ATXN10: variants seen among roughly 807,000 people sequenced by gnomAD.
ATXN10 encodes the protein ataxin-10.
ATXN10 carries 28 observed loss-of-function variants against 52.9 expected under a neutral mutation model. That is an observed-to-expected ratio of 0.53 (90% CI 0.39 to 0.73). ATXN10 has a LOEUF of 0.73. ATXN10 is among the 30% of genes least tolerant of loss of function. The pLI is 0.00. For missense variants in ATXN10, 565 were observed against 577.0 expected (o/e 0.98, Z 0.21); for synonymous variants, 226 against 221.5 (o/e 1.02, Z -0.18).
chr22:45,804,470 A>C (rs1262872271), intron 9 of ATXN10, among the ~76,000 whole-genome samples: 2 of 152,182 alleles, frequency 1.3e-5, no homozygotes, highest in Non-Finnish European at 2.9e-5. Flanking sequence ...AAGGATCGTT[A>C]ATAGATTCCT....
At position 45,844,455 on chromosome 22, in the gene ATXN10, A is replaced by G. The variant is rs1022251802; in HGVS notation, c.*784A>G. ...TGCCGTAGATTAAAGGTACATTTCT[A>G]TCTTCTTTGATTTAAAAAGCACCAG... On this transcript the variant is annotated 3_prime_UTR_variant, in exon 12 of 12. Transcript: ENST00000252934. The G allele has an allele frequency of 2.0e-5, 3 of 152,142 alleles. No individual in the cohort carries two copies. Among genetic ancestry groups the G allele is most frequent in the Non-Finnish European group, 4.4e-5 (3 of 68,046 alleles). The allele number at this position is 152,142 out of a possible 1,614,324, so 9.4% of individuals were successfully genotyped here. A position where few individuals can be genotyped will look rare whatever the true frequency, so the allele number is the denominator to read the frequency against.
intron 10 of ATXN10, among the ~76,000 whole-genome samples, chr22:45,827,736 A>AGG (rs1173620760): frequency 6.6e-6 from 1 of 152,212 alleles, no homozygotes; most frequent in African/African-American, 2.4e-5. Flanking sequence ...ACCAGACAGA[A>AGG]GGTAAGTAAG....
intron 1 of ATXN10, among the ~76,000 whole-genome samples, chr22:45,686,662 C>CA (rs1043455994): frequency 5.3e-5 from 8 of 151,846 alleles, no homozygotes; most frequent in African/African-American, 1.7e-4. Context: ...TACTAAAATA[C>CA]AAAAAAATTA....
intron 9 of ATXN10, among the ~76,000 whole-genome samples, chr22:45,765,310 G>C (rs536312847): frequency 6.6e-6 from 1 of 152,154 alleles, no homozygotes; most frequent in Non-Finnish European, 1.5e-5. Context: ...AGACAAGTCT[G>C]AAAGCCACCA....
At position 45,701,205 on chromosome 22, in the gene ATXN10, A is replaced by G. The variant is rs1245338318; in HGVS notation, c.488+827A>G. 1.3e-5 allele frequency among the ~76,000 whole-genome samples: 2 copies of G among 152,154 alleles called. No homozygotes were observed. The highest frequency in any genetic ancestry group is 2.1e-4 in the South Asian group (1 of 4,832). ...ATACCCTGAACTGGGCATTATCCGT[A>G]TATTTTTTCTGTTCTCACAATAGCC... On this transcript the variant is annotated intron_variant, in intron 4 of 11. Transcript: ENST00000252934. The surrounding 1 kb of genome is among the most constrained non-coding windows in gnomAD (Gnocchi z 4.2).
chr22:45,709,504 T>C (rs1924164188), intron 5 of ATXN10, among the ~76,000 whole-genome samples: 1 of 152,192 alleles, frequency 6.6e-6, no homozygotes, highest in Non-Finnish European at 1.5e-5. Context: ...CTCATTTTTC[T>C]CCTGTGCTGG....
intron 6 of ATXN10, among the ~76,000 whole-genome samples, chr22:45,721,909 T>C (rs1407976050): frequency 1.3e-5 from 2 of 151,646 alleles, no homozygotes; most frequent in Non-Finnish European, 2.9e-5. Context: ...AGCGAGACTC[T>C]GTCACATGAA....
chr22:45,775,629 C>G lies in ATXN10; in HGVS notation c.1174-31330C>G, dbSNP rs1460590556. Among the ~76,000 whole-genome samples, 3 of 152,170 alleles carry G rather than the reference C, an allele frequency of 2.0e-5. No individual in the cohort carries two copies. The highest frequency in any genetic ancestry group is 4.8e-5 in the African/African-American group (2 of 41,428). On this transcript the variant is annotated intron_variant, in intron 9 of 11. Coordinates refer to ENST00000252934, the MANE Select transcript of ATXN10 (RefSeq NM_013236.4). The surrounding 1 kb of genome is among the most constrained non-coding windows in gnomAD (Gnocchi z 4.7). ...GTCAGTGTTAGCCTGTGTAATGACA[C>G]TGTTTTTCTCCTTCGTGTGACTATT... is the stretch of plus-strand genomic sequence containing the variant.
In ATXN10 at chr22:45,826,819, A is replaced by G. The variant is rs1928830177; in HGVS notation, c.1238-16172A>G. On this transcript the variant is annotated intron_variant, in intron 10 of 11. Transcript: ENST00000252934. This position sits in a 1 kb window ranked among gnomAD's most constrained non-coding sequence, Gnocchi z 5.0. The stretch of plus-strand genomic sequence containing the variant: ...CTGCAGGATGAAATGAGAAGACAAC[A>G]GACAGTAACTTGATGCTATATGAAG... Among the ~76,000 whole-genome samples the G allele has an allele frequency of 6.6e-6, 1 of 152,206 alleles. No homozygotes were observed. Among genetic ancestry groups the G allele is most frequent in the Non-Finnish European group, 1.5e-5 (1 of 68,030 alleles).
intron 9 of ATXN10, among the ~76,000 whole-genome samples, chr22:45,756,147 C>CT (rs145197366): frequency 0.092 from 13,885 of 150,624 alleles, 782 homozygotes; most frequent in Middle Eastern, 0.16. Context: ...TTTACCTAGA[C>CT]TTTTTTTTTT....
At chr22:45,791,059 A>G (rs776865216) in intron 9 of ATXN10, among the ~76,000 whole-genome samples, 3 of 152,026 alleles carry the variant, frequency 2.0e-5, no homozygotes, top group Non-Finnish European at 2.9e-5. Context: ...GGGTCTCTCT[A>G]TGTTGCCCAG....
chr22:45,712,191 C>G lies in ATXN10; in HGVS notation c.648-6222C>G, dbSNP rs781217873. ...AGGTGACCTCCCCTGGGGGCACAGG[C>G]TGTCAGGTTTGGGCCCACTCTTGAA... is the stretch of plus-strand genomic sequence containing the variant. On this transcript the variant is annotated intron_variant, in intron 5 of 11. Transcript: ENST00000252934. This position sits in a 1 kb window ranked among gnomAD's most constrained non-coding sequence, Gnocchi z 4.6. Among the ~76,000 whole-genome samples, 18 of 152,024 alleles carry G rather than the reference C, an allele frequency of 1.2e-4. No homozygotes were observed. Among genetic ancestry groups the G allele is most frequent in the African/African-American group, 1.7e-4 (7 of 41,382 alleles).
At chr22:45,723,074 A>G (rs1314238823) in intron 6 of ATXN10, among the ~76,000 whole-genome samples, 1 of 152,176 alleles carries the variant, frequency 6.6e-6, no homozygotes, top group African/African-American at 2.4e-5. Context: ...TATTTAGAGT[A>G]CGCATTTGGG....
In ATXN10 at chr22:45,833,174, C is replaced by G. The variant is rs1929047731; in HGVS notation, c.1238-9817C>G. On this transcript the variant is annotated intron_variant, in intron 10 of 11. Coordinates refer to ENST00000252934, the MANE Select transcript of ATXN10 (RefSeq NM_013236.4). This position sits in a 1 kb window ranked among gnomAD's most constrained non-coding sequence, Gnocchi z 4.3. ...CCTCTCTCCTGTGCTGACTTTGCAGCATCATAGAGTCCTTGGGAAGCGCAC... is the reference window on the plus strand; with the variant it reads ...CCTCTCTCCTGTGCTGACTTTGCAGGATCATAGAGTCCTTGGGAAGCGCAC... Among the ~76,000 whole-genome samples, 1 of 152,194 alleles carries G rather than the reference C, an allele frequency of 6.6e-6. No homozygotes were observed. The highest frequency in any genetic ancestry group is 6.5e-5 in the Admixed American group (1 of 15,280).
At position 45,733,840 on chromosome 22, in the gene ATXN10, T is replaced by G. The variant is rs781632479; in HGVS notation, c.894+4250T>G. ...ATAGATCTGCATATCCTTTTTTTTT[T>G]GTTTTCTTTTCAAAGGTCTTTTTTT... On this transcript the variant is annotated intron_variant, in intron 7 of 11. Coordinates refer to ENST00000252934, the MANE Select transcript of ATXN10 (RefSeq NM_013236.4). The surrounding 1 kb of genome is among the most constrained non-coding windows in gnomAD (Gnocchi z 4.4). 1.6e-4 allele frequency among the ~76,000 whole-genome samples: 24 copies of G among 152,112 alleles called. No individual in the cohort carries two copies. Among genetic ancestry groups the G allele is most frequent in the Admixed American group, 3.3e-4 (5 of 15,288 alleles).
chr22:45,817,952 C>T (rs1465433270), intron 10 of ATXN10, among the ~76,000 whole-genome samples: 2 of 152,156 alleles, frequency 1.3e-5, no homozygotes, highest in Non-Finnish European at 2.9e-5. Context: ...AGCCAGCTCT[C>T]CTAGTACCTT....
rs1929205424 is a variant in ATXN10 at position 45,837,467 on chromosome 22, T to C, written c.1238-5524T>C. On this transcript the variant is annotated intron_variant, in intron 10 of 11. Coordinates refer to ENST00000252934, the MANE Select transcript of ATXN10 (RefSeq NM_013236.4). This position sits in a 1 kb window ranked among gnomAD's most constrained non-coding sequence, Gnocchi z 5.8. ...TTAGTAGAGATGGGGTTTTACCATG[T>C]TGGCCAGGCTGGTCTCATACTCCTG... is the stretch of plus-strand genomic sequence containing the variant. 1.3e-5 allele frequency among the ~76,000 whole-genome samples: 2 copies of C among 152,202 alleles called. No individual in the cohort carries two copies. Among genetic ancestry groups the C allele is most frequent in the South Asian group, 4.1e-4 (2 of 4,830 alleles).
At chr22:45,714,648 C>G (rs1055200624) in intron 5 of ATXN10, among the ~76,000 whole-genome samples, 4 of 152,164 alleles carry the variant, frequency 2.6e-5, no homozygotes, top group Admixed American at 2.0e-4. Flanking sequence ...TCCCAAAGTG[C>G]TGGGAATACA....
chr22:45,679,691 T>C (rs1307242357), intron 1 of ATXN10: 6 of 152,210 alleles, frequency 3.9e-5, no homozygotes, highest in Admixed American at 6.5e-5. Context: ...AGCTCAACTT[T>C]GTTGAGAGAG....
Sources: allele counts gnomAD v4.1 joint callset (sites outside exome capture counted in the v4.1 genomes callset), GRCh38; gene constraint gnomAD v4.1.1; non-coding constraint Gnocchi (gnomAD v3.1); transcripts MANE v1.5; gene names NCBI Gene and HGNC (gene_info 2026-07-23, HGNC 2026-07-21).